Variants in ACTN1 observed in about 807,000 individuals in gnomAD.
ACTN1 encodes the protein alpha-actinin-1.
A neutral mutation model predicts 119.6 loss-of-function variants in ACTN1; 30 were observed. The ratio of observed to expected loss-of-function variants is 0.25; its 90% CI spans 0.19 to 0.34. The LOEUF (loss-of-function observed/expected upper bound fraction) is 0.34. ACTN1 is among the 10% of genes least tolerant of loss of function. The pLI is 1.00. For missense variants in ACTN1, 764 were observed against 1,223.4 expected (o/e 0.62, Z 5.60); for synonymous variants, 429 against 472.6 (o/e 0.91, Z 1.20).
chr14:68,889,400 A>G (rs1011265774), intron 11 of ACTN1, among the ~76,000 whole-genome samples: 1 of 152,266 alleles, frequency 6.6e-6, no homozygotes, highest in Non-Finnish European at 1.5e-5. Context: ...GAGGAGACTG[A>G]ATTAGGTTGA....
At chr14:68,930,468 G>A (rs1377418259) in intron 1 of ACTN1, among the ~76,000 whole-genome samples, 1 of 152,182 alleles carries the variant, frequency 6.6e-6, no homozygotes, top group Non-Finnish European at 1.5e-5. Context: ...GATTACCCCA[G>A]AAGCATGAGT....
At position 68,889,580 on chromosome 14, in the gene ACTN1, A is replaced by G. The variant is rs183735726; in HGVS notation, c.1234+559T>C. ...GAGGCAGAAGCAGATGGATCACCTG[A>G]GATCAGGAGTTCAAAACCAGCCCGA... On this transcript the variant is annotated intron_variant, in intron 11 of 21. Coordinates refer to ENST00000394419, the MANE Select transcript of ACTN1 (RefSeq NM_001130004.2). Among the ~76,000 whole-genome samples, 301 of 152,352 alleles carry G rather than the reference A, an allele frequency of 2.0e-3. 3 individuals carry two copies. The highest frequency in any genetic ancestry group is 3.4e-3 in the Middle Eastern group (1 of 294).
intron 1 of ACTN1, among the ~76,000 whole-genome samples, chr14:68,952,694 C>T (rs1178293446): frequency 6.6e-6 from 1 of 151,984 alleles, no homozygotes; most frequent in Non-Finnish European, 1.5e-5. Context: ...CTTTCCCCCA[C>T]CCCCTACCTT....
intron 1 of ACTN1, among the ~76,000 whole-genome samples, chr14:68,960,563 C>A (rs8022870): frequency 0.32 from 47,860 of 151,872 alleles, 7,740 homozygotes; most frequent in African/African-American, 0.37. Flanking sequence ...ACATTGTTTT[C>A]TTAACAATTG....
At chr14:68,926,574 A>C (rs139636273) in intron 1 of ACTN1, among the ~76,000 whole-genome samples, 133 of 152,258 alleles carry the variant, frequency 8.7e-4, no homozygotes, top group African/African-American at 3.2e-3. Flanking sequence ...TTCATTGGCA[A>C]CTCCAGACTT....
At chr14:68,954,937 C>G (rs2036303376) in intron 1 of ACTN1, among the ~76,000 whole-genome samples, 1 of 152,174 alleles carries the variant, frequency 6.6e-6, no homozygotes, top group African/African-American at 2.4e-5. Flanking sequence ...CCTGGAGATC[C>G]TTTTTCTTAA....
intron 1 of ACTN1, among the ~76,000 whole-genome samples, chr14:68,961,497 A>G (rs2036538351): frequency 6.6e-6 from 1 of 152,168 alleles, no homozygotes; most frequent in African/African-American, 2.4e-5. Context: ...AGAGGCTAGA[A>G]ACGCAGTGTT....
intron 7 of ACTN1, among the ~76,000 whole-genome samples, chr14:68,903,200 G>A (rs568747988): frequency 6.6e-6 from 1 of 152,310 alleles, no homozygotes; most frequent in East Asian, 1.9e-4. Flanking sequence ...ATGGAAATAG[G>A]AAAGGTCATC....
chr14:68,967,608 C>T (rs2036747860), intron 1 of ACTN1, among the ~76,000 whole-genome samples: 4 of 152,224 alleles, frequency 2.6e-5, no homozygotes, highest in Admixed American at 6.5e-5. Context: ...GTAATGAAGG[C>T]AGGCAGGCTG....
intron 1 of ACTN1, among the ~76,000 whole-genome samples, chr14:68,938,082 G>A (rs1311779423): frequency 6.6e-6 from 1 of 152,218 alleles, no homozygotes; most frequent in South Asian, 2.1e-4. Flanking sequence ...GATGCCCAGT[G>A]TTCTGGCATG....
chr14:68,954,042 C>G (rs927450171), intron 1 of ACTN1, among the ~76,000 whole-genome samples: 3 of 152,128 alleles, frequency 2.0e-5, no homozygotes, highest in African/African-American at 7.2e-5. Context: ...TGTATTTTTA[C>G]ATATTATCTT....
intron 1 of ACTN1, among the ~76,000 whole-genome samples, chr14:68,971,020 C>A (rs961330917): frequency 1.3e-5 from 2 of 152,186 alleles, no homozygotes; most frequent in African/African-American, 4.8e-5. Context: ...GTTAAAAATG[C>A]GCCACAATGA....
intron 1 of ACTN1, among the ~76,000 whole-genome samples, chr14:68,976,154 G>A (rs1441574735): frequency 6.6e-6 from 1 of 152,188 alleles, no homozygotes. Context: ...CGATGAAATG[G>A]AAAGACTTGC....
intron 1 of ACTN1, among the ~76,000 whole-genome samples, chr14:68,936,442 T>C (rs1201472836): frequency 6.6e-6 from 1 of 151,740 alleles, no homozygotes; most frequent in Non-Finnish European, 1.5e-5. Flanking sequence ...TAGAGAACAC[T>C]TGCTTTTCAC....
At chr14:68,875,069 G>A (rs750932524) in intron 21 of ACTN1, 52 bp from the exon 22 acceptor site, 9 of 1,601,978 alleles carry the variant, frequency 5.6e-6, no homozygotes, top group South Asian at 1.1e-5. Context: ...GCCGTAAAGC[G>A]GCGCGGCCCG....
At chr14:68,903,196 A>G (rs989042126) in intron 7 of ACTN1, among the ~76,000 whole-genome samples, 4 of 152,210 alleles carry the variant, frequency 2.6e-5, no homozygotes, top group African/African-American at 4.8e-5. Flanking sequence ...GATGATGGAA[A>G]TAGGAAAGGT....
intron 1 of ACTN1, among the ~76,000 whole-genome samples, chr14:68,958,520 T>TAA (rs796668441): frequency 1.4e-5 from 2 of 145,426 alleles, no homozygotes; most frequent in African/African-American, 2.5e-5. Flanking sequence ...CCTTTTCAAT[T>TAA]AAAAAAAAAA....
intron 4 of ACTN1, among the ~76,000 whole-genome samples, chr14:68,911,847 T>C (rs1457079363): frequency 6.6e-6 from 1 of 152,192 alleles, no homozygotes; most frequent in Non-Finnish European, 1.5e-5. Flanking sequence ...CAGCCGCTAT[T>C]TCCCCACCCT....
chr14:68,920,042 A>G (rs938599681), intron 3 of ACTN1, among the ~76,000 whole-genome samples: 8 of 152,190 alleles, frequency 5.3e-5, no homozygotes, highest in Non-Finnish European at 1.0e-4. Context: ...TGCCCCCTCC[A>G]AGGGAAGGCC....
Sources: gnomAD v4.1 joint callset for allele counts (sites outside exome capture counted in the v4.1 genomes callset) on GRCh38, gnomAD v4.1.1 for gene constraint, MANE v1.5 for transcripts, NCBI Gene and HGNC (gene_info 2026-07-23, HGNC 2026-07-21) for gene names.